The following EPB42 variants were observed in gnomAD, a reference collection of about 807,000 sequenced individuals.
The protein encoded by EPB42 is protein 4.2.
In EPB42, 49 loss-of-function variants were observed where a neutral mutation model predicts 76.9. The ratio of observed to expected loss-of-function variants is 0.64; its 90% CI spans 0.51 to 0.81. EPB42 has a LOEUF of 0.81. Ranked by LOEUF, EPB42 falls within the 30% of genes least tolerant of loss-of-function variation. The probability of loss-of-function intolerance (pLI) is 0.00; values close to 1 mark genes in which losing one functional copy is unlikely to be tolerated. For synonymous variants in EPB42, 310 were observed against 338.4 expected, an observed-to-expected ratio of 0.92 and a Z score of 0.92; for missense variants, 731 against 867.6, an observed-to-expected ratio of 0.84 and a Z score of 1.98.
intron 12 of EPB42, among the ~76,000 whole-genome samples, chr15:43,200,122 T>G (rs531092037): frequency 4.5e-4 from 69 of 152,340 alleles, no homozygotes; most frequent in African/African-American, 1.7e-3. Context: ...AGGTGGTGTT[T>G]GGAGCCTTGT....
chr15:43,209,202 T>C, intron 6 of EPB42, 72 bp downstream of exon 6: 2 of 1,567,370 alleles, frequency 1.3e-6, no homozygotes, highest in South Asian at 2.2e-5. Context: ...CTTTTGGAGA[T>C]GTCCTTCCCA....
At position 43,207,876 on chromosome 15, in the gene EPB42, C is replaced by T. The variant is rs1015449287; in HGVS notation, c.1075+354G>A. ...TCCTTTTCTGGGCTTGAGCCTATCC[C>T]GATGCCCTCTTCATCCGTGTCCAGA... is the stretch of plus-strand genomic sequence containing the variant. On this transcript the variant is annotated intron_variant, in intron 8 of 12. Transcript: ENST00000441366. 9.2e-5 allele frequency among the ~76,000 whole-genome samples: 14 copies of T among 152,276 alleles called. 1 individual carries two copies. Among genetic ancestry groups the T allele is most frequent in the African/African-American group, 2.9e-4 (12 of 41,542 alleles).
chr15:43,209,603 C>T, intron 5 of EPB42, 152 bp from the exon 6 acceptor site: 1 of 841,100 alleles, frequency 1.2e-6, no homozygotes, highest in African/African-American at 1.7e-5. Flanking sequence ...CTGCATGCTT[C>T]TGGGCTCCAT....
chr15:43,207,216 T>A lies in EPB42; in HGVS notation c.1301A>T (p.Asn434Ile), dbSNP rs775457541. 3.1e-6 allele frequency: 5 copies of A among 1,614,064 alleles called. No individual in the cohort carries two copies. The highest frequency in any genetic ancestry group is 4.2e-6 in the Non-Finnish European group (5 of 1,179,958). ...GCCCGTACCTTCAGGATACTTGTAG[T>A]TCTGAGTGATGTCCTCGCAGCGGTC... ...GSDRCEDITQ[N>I]YKYPEGSLQE... Residue 434 changes from asparagine to isoleucine, a missense_variant, in exon 9 of 13, where the codon AAC becomes ATC. Coordinates refer to ENST00000441366, the MANE Select transcript of EPB42 (RefSeq NM_001114134.2).
chr15:43,211,381 A>C lies in EPB42; in HGVS notation c.549+35T>G, dbSNP rs764440578. On this transcript the variant is annotated intron_variant, in intron 4 of 12. Coordinates refer to ENST00000441366, the MANE Select transcript of EPB42 (RefSeq NM_001114134.2). ...CAACATGCAAGGTTATGGGACAGTC[A>C]CTCTACACACTCCTCCCCTAGAGGG... The C allele has an allele frequency of 3.1e-6, 4 of 1,302,170 alleles. No homozygotes were observed. The South Asian group carries it at 4.7e-5, about 15-fold the overall frequency. The allele number at this position is 1,302,170 out of a possible 1,614,324, so 80.7% of individuals were successfully genotyped here.
rs2042205167 is a variant in EPB42 at position 43,206,399 on chromosome 15, G to A, written c.1549C>T (p.His517Tyr). Residue 517 changes from histidine (H) to tyrosine (Y), a missense_variant, in exon 10 of 13, where the codon CAC becomes TAC. Transcript: ENST00000441366. The surrounding 1 kb of genome is among the most constrained non-coding windows in gnomAD (Gnocchi z 4.7). ...VQLAIGVQAVHYNGVLAAKLW... is the reference protein window; with the variant it reads ...VQLAIGVQAVYYNGVLAAKLW... The stretch of plus-strand genomic sequence containing the variant: ...TTGGCAGCAAGGACACCGTTGTAGT[G>A]TACAGCCTGGACCCCAATTGCCAGC... 1.2e-6 allele frequency: 2 copies of A among 1,614,030 alleles called. No homozygotes were observed. Among genetic ancestry groups the A allele is most frequent in the Admixed American group, 1.7e-5 (1 of 60,008 alleles).
upstream of EPB42, among the ~76,000 whole-genome samples, chr15:43,223,083 C>T (rs180915542): frequency 2.0e-4 from 30 of 152,104 alleles, no homozygotes; most frequent in African/African-American, 7.0e-4. Flanking sequence ...TTTGGGAGGC[C>T]GAGGCGGGTG....
At position 43,219,328 on chromosome 15, in the gene EPB42, T is replaced by A. The variant is rs182199249; in HGVS notation, c.10+1488A>T. On this transcript the variant is annotated intron_variant, in intron 1 of 12. Transcript: ENST00000441366. ...AGTTTAGAGTACTTATTATCTTTCT[T>A]TTTAATATAAATTTTTTACTTGTAA... 7.9e-5 allele frequency among the ~76,000 whole-genome samples: 12 copies of A among 152,348 alleles called. No individual in the cohort carries two copies. In the East Asian group the frequency reaches 1.9e-3, roughly 24 times the overall value.
chr15:43,221,276 C>G (rs1048865541), upstream of EPB42, among the ~76,000 whole-genome samples: 1 of 152,152 alleles, frequency 6.6e-6, no homozygotes, highest in Non-Finnish European at 1.5e-5. Context: ...ACAGGAGTCC[C>G]ATATCCAACT....
At chr15:43,223,293 G>C (rs2042478909), upstream of EPB42, among the ~76,000 whole-genome samples, 1 of 152,168 alleles carries the variant, frequency 6.6e-6, no homozygotes, top group Non-Finnish European at 1.5e-5. Flanking sequence ...GCTCCAGCCT[G>C]GGCCACAGAG....
At chr15:43,225,712 T>TA (rs2042502177), upstream of EPB42, among the ~76,000 whole-genome samples, 1 of 152,030 alleles carries the variant, frequency 6.6e-6, no homozygotes. Flanking sequence ...CCAAATGCTG[T>TA]AAAAAAGAAG....
At chr15:43,199,916 G>A (rs936683803) in intron 12 of EPB42, among the ~76,000 whole-genome samples, 3 of 152,044 alleles carry the variant, frequency 2.0e-5, no homozygotes, top group African/African-American at 7.2e-5. Flanking sequence ...TTCACCTCCC[G>A]CCATGATTCT....
upstream of EPB42, among the ~76,000 whole-genome samples, chr15:43,223,377 C>T (rs890613037): frequency 3.3e-5 from 5 of 151,566 alleles, no homozygotes; most frequent in African/African-American, 4.9e-5. Context: ...ACTCATATCA[C>T]GAAGGATTAA....
In EPB42 at chr15:43,205,284, G is replaced by A. The variant is rs191004892; in HGVS notation, c.1618+1046C>T. Among the ~76,000 whole-genome samples, 249 of 152,300 alleles carry A rather than the reference G, an allele frequency of 1.6e-3. 5 individuals are homozygous for A. The South Asian group carries it at 0.046, about 28-fold the overall frequency. On this transcript the variant is annotated intron_variant, in intron 10 of 12. Transcript: ENST00000441366. ...TACAGAGACTGGAGGTGAGGTGACC[G>A]GTTAGAAGGCTGTTGCAATGCTGTA...
rs139207459 is a variant in EPB42 at position 43,210,560 on chromosome 15, G to A, written c.550-121C>T. 5,624 of 861,390 alleles carry A rather than the reference G, an allele frequency of 6.5e-3. 38 individuals are homozygous for A. The highest frequency in any genetic ancestry group is 0.015 in the South Asian group (1,098 of 72,062). 53.4% of individuals were successfully genotyped at this position (861,390 alleles called of 1,614,324 possible). A position where few individuals can be genotyped will look rare whatever the true frequency, so the allele number is the denominator to read the frequency against. On this transcript the variant is annotated intron_variant, in intron 4 of 12. Transcript: ENST00000441366. ...ATCATCTCGTCCTTCTCCCAGACCCGCACTCCACACCTGCCTCCCTTGCCT... is the reference window on the plus strand; with the variant it reads ...ATCATCTCGTCCTTCTCCCAGACCCACACTCCACACCTGCCTCCCTTGCCT...
At chr15:43,208,414 T>A (rs530083842) in intron 7 of EPB42, 81 bp from the exon 8 acceptor site, 1 of 1,503,880 alleles carries the variant, frequency 6.6e-7, no homozygotes, top group South Asian at 1.1e-5. Context: ...CTGGCAGAGC[T>A]GTTGTTGTTC....
At chr15:43,199,030 C>T (rs1046432476) in intron 12 of EPB42, among the ~76,000 whole-genome samples, 1 of 152,206 alleles carries the variant, frequency 6.6e-6, no homozygotes, top group Admixed American at 6.5e-5. Flanking sequence ...GGGGCCCAGG[C>T]AAAAGTTTGC....
In EPB42 at chr15:43,206,492, G is replaced by T; in HGVS notation, c.1456C>A (p.Pro486Thr). ...YLLLKAPSSL[P>T]LRGDAQISVT... ...GAGATCTGGGCATCCCCTCTCAGGG[G>T]TAGGGAGCTGGGTGCTTTCAAGAGC... Residue 486 changes from proline to threonine, a missense_variant, in exon 10 of 13, where the codon CCC (proline) becomes ACC (threonine). Transcript: ENST00000441366. The surrounding 1 kb of genome is among the most constrained non-coding windows in gnomAD (Gnocchi z 4.7). 2 of 1,614,222 alleles carry T rather than the reference G, an allele frequency of 1.2e-6. No individual in the cohort carries two copies. Among genetic ancestry groups the T allele is most frequent in the Non-Finnish European group, 1.7e-6 (2 of 1,180,038 alleles).
At chr15:43,209,030 T>C (rs2042250512) in intron 6 of EPB42, among the ~76,000 whole-genome samples, 1 of 152,170 alleles carries the variant, frequency 6.6e-6, no homozygotes, top group Non-Finnish European at 1.5e-5. Flanking sequence ...GCTGCTCTGC[T>C]AGGGCAGGGT....
Sources: allele counts gnomAD v4.1 joint callset (sites outside exome capture counted in the v4.1 genomes callset), GRCh38; gene constraint gnomAD v4.1.1; non-coding constraint Gnocchi (gnomAD v3.1); transcripts MANE v1.5; gene names NCBI Gene and HGNC (gene_info 2026-07-23, HGNC 2026-07-21).